The following PRELID2 variants were observed in gnomAD, a reference collection of about 807,000 sequenced individuals.
PRELID2 encodes PRELI domain-containing protein 2.
A neutral mutation model predicts 28.4 loss-of-function variants in PRELID2; 25 were observed. That is an observed-to-expected ratio of 0.88 (90% CI 0.64 to 1.23). PRELID2 has a LOEUF of 1.23. PRELID2 is among the 50% of genes most tolerant of loss of function. The pLI is 0.00. For synonymous variants in PRELID2, 76 were observed against 71.6 expected, an observed-to-expected ratio of 1.06 and a Z score of -0.31; for missense variants, 201 against 214.4, an observed-to-expected ratio of 0.94 and a Z score of 0.39.
At chr5:145,480,383 A>G (rs1752146721) in intron 1 of PRELID2, among the ~76,000 whole-genome samples, 1 of 152,136 alleles carries the variant, frequency 6.6e-6, no homozygotes, top group South Asian at 2.1e-4. Context: ...TTATTGGGTA[A>G]CAAAGAAGTA....
At chr5:145,457,875 C>T in the PRELID2 span, among the ~76,000 whole-genome samples, 1 of 152,186 alleles carries the variant, frequency 6.6e-6, no homozygotes, top group African/African-American at 2.4e-5. Context: ...TATAGCAGGA[C>T]TCCTTAAGGC....
intron 1 of PRELID2, among the ~76,000 whole-genome samples, chr5:145,521,091 GTTTA>G (rs980458494): frequency 7.9e-5 from 12 of 152,128 alleles, no homozygotes; most frequent in African/African-American, 2.7e-4. Flanking sequence ...TAAGGACAGT[GTTTA>G]ATTCACAGAA....
At chr5:145,353,281 G>A in the PRELID2 span, among the ~76,000 whole-genome samples, 2 of 151,874 alleles carry the variant, frequency 1.3e-5, no homozygotes, top group African/African-American at 4.8e-5. Flanking sequence ...AACATAGCCA[G>A]TTTCTACTAA....
At chr5:145,815,550 T>C (rs1168454270) in intron 4 of PRELID2, among the ~76,000 whole-genome samples, 1 of 152,198 alleles carries the variant, frequency 6.6e-6, no homozygotes, top group African/African-American at 2.4e-5. Context: ...CCGTACCAAC[T>C]GGCAGTCACT....
At chr5:145,595,167 C>CACACACACACAT in intron 1 of PRELID2, among the ~76,000 whole-genome samples, 2 of 145,222 alleles carry the variant, frequency 1.4e-5, no homozygotes, top group African/African-American at 5.5e-5. Flanking sequence ...AATAGACACA[C>CACACACACACAT]ACACACACAC....
the PRELID2 span, among the ~76,000 whole-genome samples, chr5:145,242,919 T>C: frequency 1.3e-5 from 2 of 152,130 alleles, no homozygotes; most frequent in Non-Finnish European, 2.9e-5. Flanking sequence ...GACAGCTATA[T>C]AACAAATATT....
the PRELID2 span, among the ~76,000 whole-genome samples, chr5:145,410,602 T>G: frequency 3.3e-5 from 5 of 152,068 alleles, no homozygotes; most frequent in Non-Finnish European, 7.4e-5. Flanking sequence ...AGGAGTCCCT[T>G]TATAAAACCA....
chr5:145,588,878 G>GT (rs566981000), intron 1 of PRELID2, among the ~76,000 whole-genome samples: 1,798 of 134,300 alleles, frequency 0.013, 17 homozygotes, highest in Non-Finnish European at 0.019. Flanking sequence ...CTTTTTATTG[G>GT]TAAAAAAAAA....
At chr5:145,751,277 A>C (rs1757116103) in intron 1 of PRELID2, among the ~76,000 whole-genome samples, 1 of 152,184 alleles carries the variant, frequency 6.6e-6, no homozygotes, top group Non-Finnish European at 1.5e-5. Flanking sequence ...GGCTTCCTGG[A>C]TATGCTGCGA....
intron 1 of PRELID2, among the ~76,000 whole-genome samples, chr5:145,496,264 C>G (rs1264852249): frequency 6.6e-6 from 1 of 152,114 alleles, no homozygotes; most frequent in Non-Finnish European, 1.5e-5. Flanking sequence ...GAAGTGCCCA[C>G]TAGACATCCA....
chr5:145,345,460 G>A, the PRELID2 span, among the ~76,000 whole-genome samples: 1 of 151,896 alleles, frequency 6.6e-6, no homozygotes, highest in African/African-American at 2.4e-5. Context: ...TCCCTCTCTA[G>A]AAATACTGCA....
intron 5 of PRELID2, among the ~76,000 whole-genome samples, chr5:145,790,852 A>G (rs530613146): frequency 1.2e-3 from 170 of 147,680 alleles, no homozygotes; most frequent in African/African-American, 3.9e-3. Flanking sequence ...AGTCCTCAAA[A>G]TATTAAACAT....
chr5:145,280,301 A>G, the PRELID2 span, among the ~76,000 whole-genome samples: 2 of 152,194 alleles, frequency 1.3e-5, no homozygotes, highest in Admixed American at 6.5e-5. Context: ...TGATTGGGCT[A>G]GAAGATAAAT....
the PRELID2 span, among the ~76,000 whole-genome samples, chr5:145,458,121 A>T: frequency 2.6e-5 from 4 of 152,218 alleles, no homozygotes; most frequent in Non-Finnish European, 4.4e-5. Context: ...ATTATGCATT[A>T]GTTCAAAGAT....
chr5:145,274,521 C>T, the PRELID2 span, among the ~76,000 whole-genome samples: 1 of 152,168 alleles, frequency 6.6e-6, no homozygotes, highest in African/African-American at 2.4e-5. Context: ...TATATAGATA[C>T]TTGGGATAGG....
the PRELID2 span, among the ~76,000 whole-genome samples, chr5:145,358,586 A>T: frequency 2.0e-5 from 3 of 152,264 alleles, no homozygotes; most frequent in Non-Finnish European, 4.4e-5. Context: ...AGTCTCATGG[A>T]TAAGAGGGTG....
rs139577866 is a variant in PRELID2 at position 145,807,214 on chromosome 5, C to T, written c.369-10667G>A. ...TCTTATGGTACCACCTTAATATATG[C>T]GGTCTGCCATAGACTGAAATGTTGT... is the stretch of plus-strand genomic sequence containing the variant. On this transcript the variant is annotated intron_variant, in intron 4 of 6. Transcript: ENST00000683046. 4.8e-3 allele frequency among the ~76,000 whole-genome samples: 738 copies of T among 152,226 alleles called. 4 individuals are homozygous for T. The highest frequency in any genetic ancestry group is 8.1e-3 in the Non-Finnish European group (551 of 68,008).
chr5:145,453,023 A>G, the PRELID2 span, among the ~76,000 whole-genome samples: 155 of 152,308 alleles, frequency 1.0e-3, 2 homozygotes, highest in African/African-American at 3.6e-3. Context: ...ACAAATGGAT[A>G]ATATGTTAGT....
chr5:145,603,646 C>G (rs1208779893), intron 1 of PRELID2, among the ~76,000 whole-genome samples: 1 of 151,960 alleles, frequency 6.6e-6, no homozygotes, highest in African/African-American at 2.4e-5. Flanking sequence ...GATAAATATA[C>G]AGGAATGCTT....
Sources: allele counts gnomAD v4.1 joint callset (sites outside exome capture counted in the v4.1 genomes callset), GRCh38; gene constraint gnomAD v4.1.1; transcripts MANE v1.5; gene names NCBI Gene and HGNC (gene_info 2026-07-23, HGNC 2026-07-21).